The following AOPEP variants were observed in gnomAD, a reference collection of about 807,000 sequenced individuals.
The protein encoded by AOPEP is aminopeptidase O (putative).
Under a neutral mutation model 98.1 loss-of-function variants are expected in AOPEP, and 77 were observed. That is an observed-to-expected ratio of 0.78 (90% confidence interval 0.65 to 0.95). AOPEP has a LOEUF of 0.95. Among genes scored for constraint, AOPEP ranks in the 40% least tolerant of loss-of-function variants. AOPEP has a pLI of 0.00. For missense variants in AOPEP, 1,024 were observed against 1,024.7 expected (o/e 1.00, Z 0.01); for synonymous variants, 346 against 365.3 (o/e 0.95, Z 0.60).
chr9:95,125,255 A>T, the AOPEP span: 1 of 1,261,216 alleles, frequency 7.9e-7, no homozygotes, highest in East Asian at 2.3e-5. Context: ...CCTGCACTGT[A>T]TAAGGGAAAA....
intron 9 of AOPEP, among the ~76,000 whole-genome samples, chr9:94,959,701 C>T (rs867979610): frequency 3.3e-5 from 5 of 151,900 alleles, no homozygotes; most frequent in Non-Finnish European, 5.9e-5. Context: ...CCAGAAATAC[C>T]TATAATTAAT....
At position 94,901,614 on chromosome 9, in the gene AOPEP, C is replaced by T. The variant is rs115169584; in HGVS notation, c.1365-22372C>T. 2.5e-3 allele frequency among the ~76,000 whole-genome samples: 380 copies of T among 152,266 alleles called. 1 individual carries two copies. The highest frequency in any genetic ancestry group is 8.6e-3 in the African/African-American group (359 of 41,552). On this transcript the variant is annotated intron_variant, in intron 5 of 16. Transcript: ENST00000375315. ...CACCTCGCATCTTCAACAACCTTCA[C>T]TTAAAATGTGTATAATAACTTTTCA...
chr9:95,082,422 G>A (rs1475474286), intron 15 of AOPEP, among the ~76,000 whole-genome samples, 153 bp from the exon 16 acceptor site: 1 of 152,214 alleles, frequency 6.6e-6, no homozygotes, highest in African/African-American at 2.4e-5. Flanking sequence ...GCTTCCAAAA[G>A]CACAGTCAGC....
intron 5 of AOPEP, among the ~76,000 whole-genome samples, chr9:94,869,370 G>T (rs867961377): frequency 6.6e-6 from 1 of 152,224 alleles, no homozygotes; most frequent in Non-Finnish European, 1.5e-5. Context: ...CCTTTAAGTT[G>T]TTGACTGTTA....
intron 15 of AOPEP, among the ~76,000 whole-genome samples, chr9:95,081,283 C>T (rs1275598717): frequency 6.6e-6 from 1 of 152,206 alleles, no homozygotes; most frequent in Non-Finnish European, 1.5e-5. Flanking sequence ...ACAGGCAGTG[C>T]GCATGTGGGA....
chr9:94,744,123 G>A (rs555943208), intron 1 of AOPEP, among the ~76,000 whole-genome samples: 2 of 148,748 alleles, frequency 1.3e-5, no homozygotes, highest in South Asian at 2.1e-4. Context: ...GGCTGTGCGC[G>A]GTGGCTTATG....
Position 94,923,997 on chromosome 9 carries a change from T to C in AOPEP, c.1376T>C (p.Met459Thr). 6.8e-7 allele frequency: 1 copy of C among 1,460,246 alleles called. No homozygotes were observed. The highest frequency in any genetic ancestry group is 9.1e-7 in the Non-Finnish European group (1 of 1,099,350). 90.5% of individuals were successfully genotyped at this position (1,460,246 alleles called of 1,614,324 possible). ...CCCATTATCCACAGCCCACACATCA[T>C]GTTCCTCTCTCAGAGCATCTTGACA... ...PSLGMASPHIMFLSQSILTGG... is the reference protein window; with the variant it reads ...PSLGMASPHITFLSQSILTGG... Residue 459 changes from methionine to threonine, a missense_variant, in exon 6 of 17, where the codon ATG (methionine) becomes ACG (threonine). Physicochemically the swap from Met to Thr is moderately conservative, Grantham distance 81 (BLOSUM62 -1). Around this residue, in one of 3 missense-constraint regions of AOPEP, gnomAD observed 566 missense variants for 551.7 expected, o/e 1.03. Transcript: ENST00000375315.
intron 5 of AOPEP, among the ~76,000 whole-genome samples, chr9:94,819,791 T>G (rs1368948273): frequency 1.3e-5 from 2 of 151,868 alleles, no homozygotes; most frequent in African/African-American, 4.8e-5. Flanking sequence ...TAGGCTAGTC[T>G]TAAACTCTGA....
chr9:94,789,959 C>T (rs1329204631), intron 3 of AOPEP, among the ~76,000 whole-genome samples: 8 of 151,228 alleles, frequency 5.3e-5, no homozygotes, highest in East Asian at 3.9e-4. Flanking sequence ...CTGCAAGCTC[C>T]GCCTCCCGGG....
At chr9:94,746,119 G>A (rs879342973) in intron 1 of AOPEP, among the ~76,000 whole-genome samples, 1 of 152,162 alleles carries the variant, frequency 6.6e-6, no homozygotes, top group South Asian at 2.1e-4. Flanking sequence ...TGTTGTGCCC[G>A]CCTCTCCCTT....
intron 5 of AOPEP, among the ~76,000 whole-genome samples, chr9:94,823,305 T>G (rs1350284738): frequency 1.3e-5 from 2 of 152,230 alleles, no homozygotes; most frequent in African/African-American, 4.8e-5. Flanking sequence ...TTATATGAAA[T>G]GCTAACAGCT....
the AOPEP span, chr9:95,100,312 A>G: frequency 4.3e-6 from 1 of 232,600 alleles, no homozygotes; most frequent in Non-Finnish European, 8.5e-6. Flanking sequence ...TGACTGCAGC[A>G]TTTCTCAGAA....
At chr9:94,956,103 G>A in intron 9 of AOPEP, 88 bp downstream of exon 9, 1 of 758,222 alleles carries the variant, frequency 1.3e-6, no homozygotes, top group Non-Finnish European at 2.2e-6. Flanking sequence ...TTAAAGAGTA[G>A]GGAAAAGGTT....
the AOPEP span, among the ~76,000 whole-genome samples, chr9:95,134,455 G>T: frequency 6.6e-6 from 1 of 152,152 alleles, no homozygotes; most frequent in Non-Finnish European, 1.5e-5. Flanking sequence ...ACCGTTCACT[G>T]TGGCTCTTGG....
chr9:94,985,418 A>T (rs889631860), intron 11 of AOPEP, among the ~76,000 whole-genome samples: 1 of 152,248 alleles, frequency 6.6e-6, no homozygotes, highest in Non-Finnish European at 1.5e-5. Flanking sequence ...AGGAGGCTTT[A>T]TGTCACTGTA....
chr9:95,116,126 A>C, the AOPEP span, among the ~76,000 whole-genome samples: 18 of 152,262 alleles, frequency 1.2e-4, no homozygotes, highest in Non-Finnish European at 2.4e-4. Flanking sequence ...GCCCATGCCC[A>C]TGCACCACCT....
intron 5 of AOPEP, among the ~76,000 whole-genome samples, chr9:94,801,857 C>T (rs1848280810): frequency 6.6e-6 from 1 of 152,182 alleles, no homozygotes; most frequent in Non-Finnish European, 1.5e-5. Flanking sequence ...ATTCCTGCTG[C>T]CAATTAATTC....
intron 13 of AOPEP, among the ~76,000 whole-genome samples, chr9:95,022,916 C>T (rs1303353310): frequency 6.6e-6 from 1 of 152,150 alleles, no homozygotes; most frequent in Non-Finnish European, 1.5e-5. Flanking sequence ...CTGTGGGTCA[C>T]CTGTGCTATT....
chr9:95,097,165 A>G, the AOPEP span, among the ~76,000 whole-genome samples: 8 of 152,360 alleles, frequency 5.3e-5, no homozygotes, highest in South Asian at 1.7e-3. Flanking sequence ...CATCTTTCTG[A>G]AAAGGCTCAC....
Sources: allele counts gnomAD v4.1 joint callset (sites outside exome capture counted in the v4.1 genomes callset), GRCh38; gene constraint gnomAD v4.1.1; regional missense constraint gnomAD v4.1.1; transcripts MANE v1.5; gene names NCBI Gene and HGNC (gene_info 2026-07-23, HGNC 2026-07-21).